RAPGEF1: variants seen among roughly 807,000 people sequenced by gnomAD.
RAPGEF1 encodes CRK SH3-binding GNRP.
Under a neutral mutation model 143.3 loss-of-function variants are expected in RAPGEF1, and 33 were observed. The ratio of observed to expected loss-of-function variants is 0.23; its 90% CI spans 0.17 to 0.31. The LOEUF (loss-of-function observed/expected upper bound fraction) is 0.31. RAPGEF1 is among the 10% of genes least tolerant of loss of function. The pLI, the probability that RAPGEF1 is intolerant of heterozygous loss-of-function variation, is 1.00. For synonymous variants in RAPGEF1, 629 were observed against 676.5 expected, an observed-to-expected ratio of 0.93 and a Z score of 1.09; for missense variants, 1,199 against 1,645.4, an observed-to-expected ratio of 0.73 and a Z score of 4.69.
intron 1 of RAPGEF1, among the ~76,000 whole-genome samples, chr9:131,676,116 A>G (rs753626880): frequency 4.1e-4 from 62 of 152,194 alleles, no homozygotes; most frequent in Non-Finnish European, 7.5e-4. Flanking sequence ...TGTCTTTTAG[A>G]ATGGGGAGGT....
chr9:131,657,835 T>C (rs538055772), intron 1 of RAPGEF1, among the ~76,000 whole-genome samples: 1 of 152,314 alleles, frequency 6.6e-6, no homozygotes, highest in Non-Finnish European at 1.5e-5. Context: ...TCCCTTACTT[T>C]TCAGGATAGT....
At chr9:131,635,469 A>G (rs559009048) in intron 5 of RAPGEF1, among the ~76,000 whole-genome samples, 3 of 151,874 alleles carry the variant, frequency 2.0e-5, no homozygotes, top group South Asian at 2.1e-4. Flanking sequence ...TTACGTAAAC[A>G]ACGGTGAGTC....
At chr9:131,589,448 C>T (rs930069810) in intron 19 of RAPGEF1, among the ~76,000 whole-genome samples, 7 of 152,238 alleles carry the variant, frequency 4.6e-5, no homozygotes, top group Non-Finnish European at 8.8e-5. Context: ...GAAGGCAGTC[C>T]GCCTGATGGA....
intron 1 of RAPGEF1, among the ~76,000 whole-genome samples, chr9:131,679,922 C>T (rs75841718): frequency 9.7e-4 from 148 of 152,344 alleles, no homozygotes; most frequent in African/African-American, 3.3e-3. Flanking sequence ...GGAAGCGAGT[C>T]ACAGGCCACA....
Position 131,589,872 on chromosome 9 carries a change from G to A in RAPGEF1, c.2867+14C>T. ...CCCCACTGGCCCCCAGGACCCCAAG[G>A]GTGAAGCACTCACCAGAGCTCATCC... On this transcript the variant is annotated intron_variant, in intron 19 of 26. Coordinates refer to ENST00000683357, the MANE Select transcript of RAPGEF1 (RefSeq NM_001377935.1). 6.2e-7 allele frequency: 1 copy of A among 1,611,084 alleles called. No homozygotes were observed. Among genetic ancestry groups the A allele is most frequent in the Non-Finnish European group, 8.5e-7 (1 of 1,177,356 alleles).
At position 131,730,567 on chromosome 9, in the gene RAPGEF1, C is replaced by T. The variant is rs188448041; in HGVS notation, c.61+9203G>A. Among the ~76,000 whole-genome samples, 742 of 151,634 alleles carry T rather than the reference C, an allele frequency of 4.9e-3. 4 individuals are homozygous for T. Among genetic ancestry groups the T allele is most frequent in the Middle Eastern group, 0.01 (3 of 294 alleles). On this transcript the variant is annotated intron_variant, in intron 1 of 26. Coordinates refer to ENST00000683357, the MANE Select transcript of RAPGEF1 (RefSeq NM_001377935.1). ...AAAATTAGCCGGGCGTGGTGGCGGG[C>T]GCCTGTCATCCCAGCTACTTGGGAG...
At chr9:131,730,419 C>T (rs557810219) in intron 1 of RAPGEF1, among the ~76,000 whole-genome samples, 5 of 152,072 alleles carry the variant, frequency 3.3e-5, no homozygotes, top group African/African-American at 1.2e-4. Flanking sequence ...GTGGCTCACA[C>T]CTGTAATCCC....
chr9:131,616,947 A>C (rs1184514178), intron 12 of RAPGEF1, among the ~76,000 whole-genome samples: 1 of 152,182 alleles, frequency 6.6e-6, no homozygotes, highest in Non-Finnish European at 1.5e-5. Flanking sequence ...TTTTAATGAC[A>C]TAAGGACCTT....
intron 1 of RAPGEF1, among the ~76,000 whole-genome samples, chr9:131,681,622 G>A (rs1227580932): frequency 1.3e-5 from 2 of 152,040 alleles, no homozygotes; most frequent in Non-Finnish European, 2.9e-5. Flanking sequence ...AAACTTGGTG[G>A]GCAGATGAAG....
At position 131,737,647 on chromosome 9, in the gene RAPGEF1, G is replaced by T; in HGVS notation, c.61+2123C>A. ...TCCCAGCGGTTTGGGCAGCTCATGG[G>T]ATGACAGGCAACTTTTTCCTTTTTT... On this transcript the variant is annotated intron_variant, in intron 1 of 26. Coordinates refer to ENST00000683357, the MANE Select transcript of RAPGEF1 (RefSeq NM_001377935.1). 4 of 1,366,702 alleles carry T rather than the reference G, an allele frequency of 2.9e-6. No homozygotes were observed. The South Asian group carries it at 6.2e-5, about 21-fold the overall frequency. 84.7% of individuals were successfully genotyped at this position (1,366,702 alleles called of 1,614,324 possible).
chr9:131,636,941 G>A (rs1966516414), intron 5 of RAPGEF1, among the ~76,000 whole-genome samples: 1 of 152,150 alleles, frequency 6.6e-6, no homozygotes, highest in Non-Finnish European at 1.5e-5. Context: ...GGGAACATGG[G>A]GAGGCTGGGC....
chr9:131,620,995 C>T (rs548907392), intron 11 of RAPGEF1, among the ~76,000 whole-genome samples: 82 of 152,332 alleles, frequency 5.4e-4, no homozygotes, highest in African/African-American at 2.0e-3. Context: ...GGGGAGCTTC[C>T]TCTTCCTGGG....
intron 3 of RAPGEF1, among the ~76,000 whole-genome samples, chr9:131,649,785 C>T (rs957547619): frequency 6.6e-6 from 1 of 152,182 alleles, no homozygotes; most frequent in Non-Finnish European, 1.5e-5. Context: ...CCCTTCTAAA[C>T]TATTCAGATC....
At chr9:131,713,102 G>C (rs1835624399) in intron 1 of RAPGEF1, among the ~76,000 whole-genome samples, 1 of 152,138 alleles carries the variant, frequency 6.6e-6, no homozygotes, top group Non-Finnish European at 1.5e-5. Flanking sequence ...TCACAAATGG[G>C]AAGAATCAAA....
At chr9:131,634,387 A>G (rs1172021793) in intron 5 of RAPGEF1, among the ~76,000 whole-genome samples, 1 of 152,120 alleles carries the variant, frequency 6.6e-6, no homozygotes. Context: ...AATATGTAAT[A>G]CTTTATTTCC....
intron 1 of RAPGEF1, chr9:131,737,328 T>C: frequency 6.2e-7 from 1 of 1,609,110 alleles, no homozygotes; most frequent in East Asian, 2.2e-5. Context: ...ATCTCAGCCC[T>C]CTCTTCAGAG....
intron 12 of RAPGEF1, 119 bp from the exon 13 acceptor site, chr9:131,605,307 G>A: frequency 1.0e-6 from 1 of 954,280 alleles, no homozygotes; most frequent in South Asian, 1.7e-5. Context: ...AGTCTAACGG[G>A]CCACCAATCA....
chr9:131,661,073 G>A (rs1973935861), intron 1 of RAPGEF1, among the ~76,000 whole-genome samples: 1 of 152,154 alleles, frequency 6.6e-6, no homozygotes, highest in Non-Finnish European at 1.5e-5. Context: ...AAGAGAAGGG[G>A]GACTCTCTAC....
In RAPGEF1 at chr9:131,731,762, G is replaced by A. The variant is rs1036936582; in HGVS notation, c.61+8008C>T. The stretch of plus-strand genomic sequence containing the variant: ...TACGCTTTAAAAGCACTGCAGAATC[G>A]CCTGATCACAAAACTTAATATGCAG... On this transcript the variant is annotated intron_variant, in intron 1 of 26. Coordinates refer to ENST00000683357, the MANE Select transcript of RAPGEF1 (RefSeq NM_001377935.1). Among the ~76,000 whole-genome samples the A allele has an allele frequency of 5.9e-5, 9 of 152,282 alleles. No individual in the cohort carries two copies. The South Asian group carries it at 8.3e-4, about 14-fold the overall frequency.
Sources: allele counts gnomAD v4.1 joint callset (sites outside exome capture counted in the v4.1 genomes callset), GRCh38; gene constraint gnomAD v4.1.1; transcripts MANE v1.5; gene names NCBI Gene and HGNC (gene_info 2026-07-23, HGNC 2026-07-21).